The following UNC13C variants were observed in gnomAD, a reference collection of about 807,000 sequenced individuals.
UNC13C encodes protein unc-13 homolog C.
In UNC13C, 174 loss-of-function variants were observed where a neutral mutation model predicts 245.4. The ratio of observed to expected loss-of-function variants is 0.71; its 90% CI spans 0.63 to 0.80. The LOEUF (loss-of-function observed/expected upper bound fraction) is 0.80. Ranked by LOEUF, UNC13C falls within the 30% of genes least tolerant of loss-of-function variation. The pLI is 0.00. For missense variants in UNC13C, 2,829 were observed against 2,602.9 expected (o/e 1.09, Z -1.89); for synonymous variants, 992 against 895.1 (o/e 1.11, Z -1.93).
rs1901229579 is a variant in UNC13C, at chr15:54,627,165, C to T, written c.*52C>T. The T allele has an allele frequency of 4.6e-6, 7 of 1,508,544 alleles. No homozygotes were observed. Among genetic ancestry groups the T allele is most frequent in the South Asian group, 3.9e-5 (3 of 77,702 alleles). The allele number at this position is 1,508,544 out of a possible 1,614,324, so 93.4% of individuals were successfully genotyped here. A position where few individuals can be genotyped will look rare whatever the true frequency, so the allele number is the denominator to read the frequency against. ...ACTATAATTGTTTGACTACTGCATG[C>T]ATGTGCAAATACATGGGAATGTTTA... On this transcript the variant is annotated 3_prime_UTR_variant, in exon 33 of 33. Coordinates refer to ENST00000260323, the MANE Select transcript of UNC13C (RefSeq NM_001080534.3).
chr15:54,552,646 TTATA>T (rs1896848150), intron 28 of UNC13C, among the ~76,000 whole-genome samples: 1 of 80,238 alleles, frequency 1.2e-5, no homozygotes, highest in Non-Finnish European at 2.0e-5. Context: ...TATAATATAA[TTATA>T]TAATTATATT....
At chr15:54,554,725 A>G (rs1017100093) in intron 28 of UNC13C, among the ~76,000 whole-genome samples, 2 of 152,072 alleles carry the variant, frequency 1.3e-5, no homozygotes, top group Non-Finnish European at 2.9e-5. Context: ...TTGGGGGATC[A>G]GACATTTTTA....
chr15:54,620,149 A>G (rs1009468356), intron 30 of UNC13C, among the ~76,000 whole-genome samples: 1 of 152,152 alleles, frequency 6.6e-6, no homozygotes, highest in African/African-American at 2.4e-5. Context: ...AGAGTCTAGT[A>G]AATGTTTCCA....
At chr15:54,528,314 G>T (rs1406607345) in intron 25 of UNC13C, among the ~76,000 whole-genome samples, 1 of 120,408 alleles carries the variant, frequency 8.3e-6, no homozygotes, top group African/African-American at 2.9e-5. Flanking sequence ...TTTTTGGTTT[G>T]CTCCTTTTTT....
chr15:54,234,948 CTT>C (rs2035650383), intron 4 of UNC13C, 80 bp from the exon 5 acceptor site: 2 of 1,263,812 alleles, frequency 1.6e-6, no homozygotes, highest in Admixed American at 1.9e-5. Context: ...TTTTCACAGA[CTT>C]TATACCATGA....
At chr15:54,528,032 A>AAC (rs1289350267) in intron 25 of UNC13C, among the ~76,000 whole-genome samples, 10 of 151,020 alleles carry the variant, frequency 6.6e-5, no homozygotes, top group African/African-American at 2.2e-4. Flanking sequence ...TTTTAGAATT[A>AAC]AGTGCATAAT....
intron 4 of UNC13C, among the ~76,000 whole-genome samples, chr15:54,203,484 G>GTGTGTGTGTGTA (rs796426371): frequency 2.1e-5 from 3 of 139,770 alleles, no homozygotes; most frequent in African/African-American, 7.7e-5. Context: ...ATGTGTGTGT[G>GTGTGTGTGTGTA]TATATATATA....
At chr15:54,105,473 T>G (rs997112813) in intron 2 of UNC13C, among the ~76,000 whole-genome samples, 2 of 152,184 alleles carry the variant, frequency 1.3e-5, no homozygotes, top group African/African-American at 4.8e-5. Context: ...TTCTGAAGGT[T>G]TTCATATATT....
chr15:54,554,393 A>G (rs1454739438), intron 28 of UNC13C, among the ~76,000 whole-genome samples: 6 of 152,040 alleles, frequency 3.9e-5, no homozygotes, highest in Non-Finnish European at 8.8e-5. Context: ...AATTGAGCCC[A>G]TGTTCCACTT....
intron 1 of UNC13C, among the ~76,000 whole-genome samples, chr15:53,999,647 A>G (rs1894794951): frequency 6.6e-6 from 1 of 152,016 alleles, no homozygotes; most frequent in Non-Finnish European, 1.5e-5. Flanking sequence ...CTAAAGGTGA[A>G]ATTTAGATGA....
intron 24 of UNC13C, among the ~76,000 whole-genome samples, chr15:54,523,058 T>A (rs1895293802): frequency 6.6e-6 from 1 of 152,212 alleles, no homozygotes; most frequent in Admixed American, 6.5e-5. Context: ...CCAATAATTT[T>A]AAAAATATGC....
intron 26 of UNC13C, among the ~76,000 whole-genome samples, chr15:54,541,201 T>TA (rs1384563003): frequency 6.6e-6 from 1 of 152,074 alleles, no homozygotes; most frequent in Admixed American, 6.6e-5. Flanking sequence ...TACTTTAACA[T>TA]AAAAATGTGT....
intron 17 of UNC13C, among the ~76,000 whole-genome samples, chr15:54,365,762 G>GAA (rs796539719): frequency 2.2e-5 from 3 of 133,996 alleles, no homozygotes; most frequent in Non-Finnish European, 3.3e-5. Flanking sequence ...AAGAAAAAAA[G>GAA]AAAAAAAAAA....
chr15:54,359,485 A>G (rs2039178289), intron 17 of UNC13C, among the ~76,000 whole-genome samples: 1 of 151,880 alleles, frequency 6.6e-6, no homozygotes, highest in African/African-American at 2.4e-5. Context: ...CTCTTCTTTG[A>G]TGGGAGAGTC....
chr15:53,998,465 C>T (rs985535797), intron 1 of UNC13C, among the ~76,000 whole-genome samples: 9 of 152,058 alleles, frequency 5.9e-5, no homozygotes, highest in African/African-American at 2.2e-4. Context: ...CTATACTGAG[C>T]TTATGTTCTG....
At chr15:53,856,426 T>C in the UNC13C span, among the ~76,000 whole-genome samples, 1 of 152,124 alleles carries the variant, frequency 6.6e-6, no homozygotes, top group Non-Finnish European at 1.5e-5. Context: ...TCTTTCTAGC[T>C]TTTTGATGTG....
chr15:53,958,593 G>A, the UNC13C span, among the ~76,000 whole-genome samples: 1 of 152,106 alleles, frequency 6.6e-6, no homozygotes, highest in Non-Finnish European at 1.5e-5. Context: ...TGATGATAAG[G>A]CTCAGGCTGT....
intron 30 of UNC13C, among the ~76,000 whole-genome samples, chr15:54,614,119 C>A (rs902083947): frequency 2.0e-5 from 3 of 151,980 alleles, no homozygotes; most frequent in African/African-American, 7.2e-5. Context: ...GTGTTCTTCT[C>A]TTTCCTTTTA....
intron 19 of UNC13C, among the ~76,000 whole-genome samples, chr15:54,450,013 T>C (rs1891079467): frequency 1.3e-5 from 2 of 152,222 alleles, no homozygotes; most frequent in African/African-American, 4.8e-5. Flanking sequence ...CAGCTCCAGG[T>C]CTGTTGGAGT....
Sources: allele counts gnomAD v4.1 joint callset (sites outside exome capture counted in the v4.1 genomes callset), GRCh38; gene constraint gnomAD v4.1.1; transcripts MANE v1.5; gene names NCBI Gene and HGNC (gene_info 2026-07-23, HGNC 2026-07-21).